Variants in RRAS2 observed in about 807,000 individuals in gnomAD.
RRAS2 encodes the protein RAS related 2.
Under a neutral mutation model 27.6 loss-of-function variants are expected in RRAS2, and 7 were observed. The observed-to-expected ratio is 0.25, with a 90% CI of 0.14 to 0.48. RRAS2 has a LOEUF of 0.48. Ranked by LOEUF, RRAS2 falls within the 20% of genes least tolerant of loss-of-function variation. The pLI is 0.99. For missense variants in RRAS2, 178 were observed against 256.2 expected (o/e 0.69, Z 2.08); for synonymous variants, 86 against 90.9 (o/e 0.95, Z 0.31).
At chr11:14,313,147 T>C (rs1157447749) in intron 1 of RRAS2, among the ~76,000 whole-genome samples, 1 of 152,228 alleles carries the variant, frequency 6.6e-6, no homozygotes, top group Non-Finnish European at 1.5e-5. Context: ...TAAACATTTA[T>C]CTTATAAAAA....
chr11:14,301,127 G>T (rs1295821391), intron 1 of RRAS2, among the ~76,000 whole-genome samples: 1 of 152,170 alleles, frequency 6.6e-6, no homozygotes, highest in Admixed American at 6.5e-5. Flanking sequence ...TATAGAAAGG[G>T]GAAGGGAAAA....
At chr11:14,351,894 CAA>C (rs35089298) in intron 1 of RRAS2, among the ~76,000 whole-genome samples, 350 of 113,310 alleles carry the variant, frequency 3.1e-3, no homozygotes, top group South Asian at 0.013. Flanking sequence ...GACTCCGTCT[CAA>C]AAAAAAAAAA....
chr11:14,280,645 G>A (rs1849500990), intron 5 of RRAS2, among the ~76,000 whole-genome samples: 2 of 135,070 alleles, frequency 1.5e-5, no homozygotes. Flanking sequence ...AGAATTGCTT[G>A]AACCCAGGAG....
At chr11:14,344,635 C>T (rs147384061) in intron 1 of RRAS2, among the ~76,000 whole-genome samples, 1 of 152,210 alleles carries the variant, frequency 6.6e-6, no homozygotes, top group African/African-American at 2.4e-5. Flanking sequence ...TCGTCATTAA[C>T]CAAAAACAGG....
At chr11:14,285,374 A>G (rs1849633764) in intron 4 of RRAS2, among the ~76,000 whole-genome samples, 1 of 151,990 alleles carries the variant, frequency 6.6e-6, no homozygotes, top group South Asian at 2.1e-4. Flanking sequence ...CACAGTGAGA[A>G]CCCGTCTCTC....
chr11:14,355,337 CTG>C (rs1366335921), intron 1 of RRAS2, among the ~76,000 whole-genome samples: 3 of 152,164 alleles, frequency 2.0e-5, no homozygotes, highest in Non-Finnish European at 4.4e-5. Context: ...CCTAACCACT[CTG>C]TACCATCCTG....
At chr11:14,293,364 T>C (rs1847465898) in intron 4 of RRAS2, among the ~76,000 whole-genome samples, 1 of 151,600 alleles carries the variant, frequency 6.6e-6, no homozygotes, top group Admixed American at 6.6e-5. Flanking sequence ...AATACTTAAA[T>C]ACCAGCAAAA....
At position 14,358,825 on chromosome 11, in the gene RRAS2, G is replaced by A; in HGVS notation, c.46C>T (p.Arg16Trp). 6.7e-7 allele frequency: 1 copy of A among 1,495,276 alleles called. No individual in the cohort carries two copies. Among genetic ancestry groups the A allele is most frequent in the Non-Finnish European group, 9.0e-7 (1 of 1,116,172 alleles). The allele number at this position is 1,495,276 out of a possible 1,614,324, so 92.6% of individuals were successfully genotyped here. A position where few individuals can be genotyped will look rare whatever the true frequency, so the allele number is the denominator to read the frequency against. The change falls in exon 1 of 6, where the codon CGG becomes TGG. Residue 16 changes from arginine (R) to tryptophan (W), a missense_variant. Arg to Trp is a moderately radical substitution (Grantham distance 101). Transcript: ENST00000256196. This position sits in a 1 kb window ranked among gnomAD's most constrained non-coding sequence, Gnocchi z 5.1. Reference sequence around the variant, plus strand: ...CCGCCCCCGCCGACCACCACGAGCCGGTACTTCTCCTGGCCGGAGCCGTCC... The same window carrying A: ...CCGCCCCCGCCGACCACCACGAGCCAGTACTTCTCCTGGCCGGAGCCGTCC... ...WRDGSGQEKY[R>W]LVVVGGGGVG...
At chr11:14,296,326 C>A (rs1351023643) in intron 1 of RRAS2, among the ~76,000 whole-genome samples, 1 of 152,182 alleles carries the variant, frequency 6.6e-6, no homozygotes, top group Non-Finnish European at 1.5e-5. Flanking sequence ...AGGGTTTACC[C>A]TCTATGACAA....
intron 1 of RRAS2, among the ~76,000 whole-genome samples, chr11:14,322,919 C>T (rs1312453282): frequency 6.6e-6 from 1 of 151,950 alleles, no homozygotes; most frequent in Non-Finnish European, 1.5e-5. Context: ...AGGAAACACA[C>T]AGAACTTATG....
chr11:14,310,820 TCTTC>T (rs782285781), intron 1 of RRAS2, among the ~76,000 whole-genome samples: 1 of 152,172 alleles, frequency 6.6e-6, no homozygotes, highest in Non-Finnish European at 1.5e-5. Context: ...TGGAAGGAAT[TCTTC>T]CTTGTTTCTT....
chr11:14,327,964 T>C (rs1239303257), intron 1 of RRAS2, among the ~76,000 whole-genome samples: 1 of 152,268 alleles, frequency 6.6e-6, no homozygotes, highest in Admixed American at 6.5e-5. Flanking sequence ...CAAATGTAGC[T>C]GTGACAAAGT....
chr11:14,355,822 A>G (rs1849061189), intron 1 of RRAS2, among the ~76,000 whole-genome samples: 1 of 152,216 alleles, frequency 6.6e-6, no homozygotes, highest in Admixed American at 6.5e-5. Context: ...TCTGCTTATT[A>G]AAATGATTAG....
chr11:14,355,857 T>A (rs2134044393), intron 1 of RRAS2, among the ~76,000 whole-genome samples: 1 of 152,312 alleles, frequency 6.6e-6, no homozygotes, highest in East Asian at 1.9e-4. Flanking sequence ...TCCCTCCAGT[T>A]ACTACTGCTA....
chr11:14,337,649 C>T (rs1040711714), intron 1 of RRAS2, among the ~76,000 whole-genome samples: 2 of 152,064 alleles, frequency 1.3e-5, no homozygotes, highest in Admixed American at 1.3e-4. Flanking sequence ...ATAAATTAAA[C>T]TTTATCGTAG....
intron 1 of RRAS2, among the ~76,000 whole-genome samples, chr11:14,343,933 G>A (rs1422451145): frequency 1.3e-5 from 2 of 151,648 alleles, no homozygotes; most frequent in African/African-American, 2.4e-5. Flanking sequence ...TTGAGTCCAG[G>A]AGTTCGAGAG....
exon 1 of RRAS2, chr11:14,364,462 G>T: frequency 1.4e-6 from 2 of 1,465,176 alleles, no homozygotes; most frequent in Non-Finnish European, 1.8e-6. Flanking sequence ...ATGAATGGCT[G>T]GCAGAGAATG....
chr11:14,279,958 C>A (rs1364051087), intron 5 of RRAS2, among the ~76,000 whole-genome samples: 1 of 151,952 alleles, frequency 6.6e-6, no homozygotes, highest in Non-Finnish European at 1.5e-5. Flanking sequence ...AAAAACAAAA[C>A]AAACAAAAAA....
chr11:14,322,100 A>T (rs1848237676), intron 1 of RRAS2, among the ~76,000 whole-genome samples: 1 of 152,160 alleles, frequency 6.6e-6, no homozygotes, highest in Non-Finnish European at 1.5e-5. Context: ...TGTCAAGACA[A>T]ATATACCCAA....
Sources: allele counts gnomAD v4.1 joint callset (sites outside exome capture counted in the v4.1 genomes callset), GRCh38; gene constraint gnomAD v4.1.1; non-coding constraint Gnocchi (gnomAD v3.1); transcripts MANE v1.5; gene names NCBI Gene and HGNC (gene_info 2026-07-23, HGNC 2026-07-21).